Variants in MGAT5 observed in about 807,000 individuals in gnomAD.
MGAT5 encodes the protein alpha-1,6-mannosylglycoprotein 6-beta-N-acetylglucosaminyltransferase A.
In MGAT5, 30 loss-of-function variants were observed where a neutral mutation model predicts 94.3. The ratio of observed to expected loss-of-function variants is 0.32; its 90% CI spans 0.24 to 0.43. MGAT5 has a LOEUF of 0.43. Ranked by LOEUF, MGAT5 falls within the 20% of genes least tolerant of loss-of-function variation. The pLI is 1.00. For synonymous variants in MGAT5, 310 were observed against 322.9 expected (o/e 0.96, Z 0.43); for missense variants, 691 against 905.5 (o/e 0.76, Z 3.04).
chr2:134,270,372 A>T lies in MGAT5; in HGVS notation c.242-14A>T. 6.2e-7 allele frequency: 1 copy of T among 1,612,094 alleles called. No homozygotes were observed. The highest frequency in any genetic ancestry group is 8.5e-7 in the Non-Finnish European group (1 of 1,178,578). On this transcript the variant is annotated splice_polypyrimidine_tract_variant and intron_variant, in intron 1 of 15. Transcript: ENST00000281923. ...GCCATAGAATTTTAAAATTGTCTGC[A>T]CTTTCTTTTACAGATCTGAAGAAAA...
intron 4 of MGAT5, among the ~76,000 whole-genome samples, chr2:134,319,264 T>A (rs1207398916): frequency 6.6e-6 from 1 of 152,206 alleles, no homozygotes; most frequent in South Asian, 2.1e-4. Flanking sequence ...AGCTGCCCCA[T>A]TTTATACCAA....
Position 134,304,085 on chromosome 2 carries a change from A to G in MGAT5, c.407-13444A>G, listed in dbSNP as rs146224561. On this transcript the variant is annotated intron_variant, in intron 2 of 15. Coordinates refer to ENST00000281923, the MANE Select transcript of MGAT5 (RefSeq NM_002410.5). ...TGCATAGTTTCTCTGCTTTGTTTTT[A>G]AAGAATCCTAGGTTAACTGTTATGT... Among the ~76,000 whole-genome samples, 354 of 152,290 alleles carry G rather than the reference A, an allele frequency of 2.3e-3. 1 individual carries two copies. The highest frequency in any genetic ancestry group is 4.9e-3 in the Admixed American group (75 of 15,296).
chr2:134,303,576 T>C (rs1292508171), intron 2 of MGAT5, among the ~76,000 whole-genome samples: 2 of 147,038 alleles, frequency 1.4e-5, no homozygotes, highest in African/African-American at 2.7e-5. Context: ...TGGGGTTTCA[T>C]GGAAAGCCTG....
At chr2:134,321,197 T>C (rs1687294470) in intron 4 of MGAT5, among the ~76,000 whole-genome samples, 1 of 152,178 alleles carries the variant, frequency 6.6e-6, no homozygotes, top group African/African-American at 2.4e-5. Context: ...CAATTAGAAG[T>C]ACCTCTCCTG....
chr2:134,317,807 G>A (rs3791280), intron 3 of MGAT5, among the ~76,000 whole-genome samples: 24,249 of 152,108 alleles, frequency 0.16, 2,501 homozygotes, highest in African/African-American at 0.28. Context: ...TTGGTCAACA[G>A]TGGCTCTCAC....
chr2:134,400,875 C>CAGGGATTTCACTTG (rs1298845232), intron 10 of MGAT5, among the ~76,000 whole-genome samples: 1 of 152,126 alleles, frequency 6.6e-6, no homozygotes, highest in Non-Finnish European at 1.5e-5. Flanking sequence ...GAAATCCACA[C>CAGGGATTTCACTTG]AGGGAAACTC....
intron 1 of MGAT5, among the ~76,000 whole-genome samples, chr2:134,150,712 T>C (rs1284607223): frequency 1.3e-5 from 2 of 152,232 alleles, no homozygotes; most frequent in Non-Finnish European, 2.9e-5. Flanking sequence ...CAGTTTTAAA[T>C]ATTTACATTG....
At chr2:134,274,015 TC>T (rs1456806715) in intron 2 of MGAT5, among the ~76,000 whole-genome samples, 1 of 152,232 alleles carries the variant, frequency 6.6e-6, no homozygotes, top group African/African-American at 2.4e-5. Flanking sequence ...AAAGACCCAT[TC>T]TGTCTTTCTC....
At chr2:134,397,759 A>G (rs2106276165) in intron 10 of MGAT5, among the ~76,000 whole-genome samples, 1 of 152,316 alleles carries the variant, frequency 6.6e-6, no homozygotes, top group East Asian at 1.9e-4. Context: ...TGTTGAGACA[A>G]CGAGCCCAGC....
Position 134,312,724 on chromosome 2 carries a change from G to A in MGAT5, c.407-4805G>A, listed in dbSNP as rs1174820077. ...AGGCAGGGCTGAGTCTTACAAGGAT[G>A]CAGTGTTGGCATTTCAGCACGTGGC... On this transcript the variant is annotated intron_variant, in intron 2 of 15. Coordinates refer to ENST00000281923, the MANE Select transcript of MGAT5 (RefSeq NM_002410.5). Among the ~76,000 whole-genome samples, 3 of 152,126 alleles carry A rather than the reference G, an allele frequency of 2.0e-5. 1 individual carries two copies. In the Middle Eastern group the frequency reaches 9.5e-3, roughly 481 times the overall value.
At chr2:134,205,311 G>T (rs548569634) in intron 1 of MGAT5, among the ~76,000 whole-genome samples, 1 of 152,166 alleles carries the variant, frequency 6.6e-6, no homozygotes, top group African/African-American at 2.4e-5. Flanking sequence ...GCAGGAAGAC[G>T]AGCTAGGAGC....
intron 15 of MGAT5, among the ~76,000 whole-genome samples, chr2:134,447,134 A>C (rs1685830996): frequency 6.6e-6 from 1 of 152,212 alleles, no homozygotes. Context: ...CCATGTACAC[A>C]CACATATGCA....
At chr2:134,171,163 G>A (rs1426616043) in intron 1 of MGAT5, among the ~76,000 whole-genome samples, 2 of 152,056 alleles carry the variant, frequency 1.3e-5, no homozygotes, top group Non-Finnish European at 2.9e-5. Context: ...GTCCGGCCGA[G>A]ATATATTTCC....
chr2:134,312,232 TCAAAA>T, intron 2 of MGAT5, among the ~76,000 whole-genome samples: 1 of 152,148 alleles, frequency 6.6e-6, no homozygotes, highest in East Asian at 1.9e-4. Context: ...AGACTTTGTC[TCAAAA>T]CAAAAAACAA....
In MGAT5 at chr2:134,246,060, T is replaced by C. The variant is rs982006756; in HGVS notation, c.-142-8202T>C. On this transcript the variant is annotated intron_variant, in intron 1 of 16. Transcript: ENST00000409645. ...GAGTATTCCCAAGATAGCAAAGGTG[T>C]GTTGTTTTTAGCAGGTGTATTTCAG... Among the ~76,000 whole-genome samples the C allele has an allele frequency of 2.0e-5, 3 of 151,948 alleles. No individual in the cohort carries two copies. The East Asian group carries it at 5.8e-4, about 29-fold the overall frequency.
At chr2:134,351,306 G>A (rs1360278516) in intron 9 of MGAT5, among the ~76,000 whole-genome samples, 1 of 152,148 alleles carries the variant, frequency 6.6e-6, no homozygotes, top group Non-Finnish European at 1.5e-5. Flanking sequence ...TGACTTTGCT[G>A]TGTAACTTTG....
intron 10 of MGAT5, among the ~76,000 whole-genome samples, chr2:134,387,325 TATA>T (rs1218422770): frequency 4.7e-4 from 21 of 44,822 alleles, no homozygotes; most frequent in African/African-American, 1.3e-3. Flanking sequence ...TATATATATA[TATA>T]TATATTTTTT....
chr2:134,221,856 C>T (rs74537185), intron 1 of MGAT5, among the ~76,000 whole-genome samples: 5,278 of 152,092 alleles, frequency 0.035, 139 homozygotes, highest in Middle Eastern at 0.16. Flanking sequence ...GGAATTTGGG[C>T]AAGATAAAAA....
intron 1 of MGAT5, among the ~76,000 whole-genome samples, chr2:134,181,016 T>G (rs1462980489): frequency 6.6e-6 from 1 of 152,246 alleles, no homozygotes; most frequent in African/African-American, 2.4e-5. Flanking sequence ...TTTGTGTGTT[T>G]AAGTGTATTT....
Sources: gnomAD v4.1 joint callset for allele counts (sites outside exome capture counted in the v4.1 genomes callset) on GRCh38, gnomAD v4.1.1 for gene constraint, MANE v1.5 for transcripts, NCBI Gene and HGNC (gene_info 2026-07-23, HGNC 2026-07-21) for gene names.